Variants in ZC3H14 observed in about 807,000 individuals in gnomAD.
The protein encoded by ZC3H14 is zinc finger CCCH-type containing 14, also known as zinc finger CCCH domain-containing protein 14.
In ZC3H14, 31 loss-of-function variants were observed where a neutral mutation model predicts 92.4. The ratio of observed to expected loss-of-function variants is 0.34; its 90% CI spans 0.25 to 0.45. ZC3H14 has a LOEUF of 0.45. Ranked by LOEUF, ZC3H14 falls within the 20% of genes least tolerant of loss-of-function variation. ZC3H14 has a pLI of 1.00. For synonymous variants in ZC3H14, 321 were observed against 300.9 expected (o/e 1.07, Z -0.69); for missense variants, 781 against 897.3 (o/e 0.87, Z 1.66).
chr14:88,566,028 GCCCCCCC>G (rs1161358992), intron 2 of ZC3H14, among the ~76,000 whole-genome samples: 1 of 2,708 alleles, frequency 3.7e-4, no homozygotes, highest in Admixed American at 5.8e-3. Context: ...CCACCACCCC[GCCCCCCC>G]CCCCCGGCTA....
chr14:88,573,390 GAAAA>G (rs759822644), intron 6 of ZC3H14, among the ~76,000 whole-genome samples: 85 of 151,300 alleles, frequency 5.6e-4, no homozygotes, highest in Non-Finnish European at 1.0e-3. Flanking sequence ...AACCAAAAAA[GAAAA>G]AACAAAAAAC....
In ZC3H14 at chr14:88,622,525, G is replaced by T; in HGVS notation, c.*10774G>T. 1.8e-6 allele frequency: 2 copies of T among 1,123,610 alleles called. No individual in the cohort carries two copies. The highest frequency in any genetic ancestry group is 1.2e-6 in the Non-Finnish European group (1 of 803,232). The allele number at this position is 1,123,610 out of a possible 1,614,324, so 69.6% of individuals were successfully genotyped here. The stretch of plus-strand genomic sequence containing the variant: ...TGCATTATTAAGTATTGTTCATTAG[G>T]CTGCAAAGGGTGAGGGAATCACAGT... On this transcript the variant is annotated 3_prime_UTR_variant, in exon 17 of 17. Coordinates refer to ENST00000251038, the MANE Select transcript of ZC3H14 (RefSeq NM_024824.5).
At position 88,621,190 on chromosome 14, in the gene ZC3H14, C is replaced by T; in HGVS notation, c.*9439C>T. 1 of 1,613,932 alleles carries T rather than the reference C, an allele frequency of 6.2e-7. No homozygotes were observed. The highest frequency in any genetic ancestry group is 8.5e-7 in the Non-Finnish European group (1 of 1,179,866). On this transcript the variant is annotated 3_prime_UTR_variant, in exon 17 of 17. Coordinates refer to ENST00000251038, the MANE Select transcript of ZC3H14 (RefSeq NM_024824.5). The stretch of plus-strand genomic sequence containing the variant: ...AAAAAATCCCTGGAAGGATGTGTTG[C>T]TAGTCCCCAGATTGGCCCATCCACA...
At chr14:88,608,492 C>T in intron 13 of ZC3H14, 1 of 287,624 alleles carries the variant, frequency 3.5e-6, no homozygotes, top group South Asian at 3.1e-5. Context: ...ATGGCCCTCT[C>T]CAGAGTAGCG....
At chr14:88,588,940 TCTTA>T (rs1237815194) in intron 9 of ZC3H14, among the ~76,000 whole-genome samples, 1 of 152,238 alleles carries the variant, frequency 6.6e-6, no homozygotes, top group Non-Finnish European at 1.5e-5. Context: ...TTTCATAGTA[TCTTA>T]CTTTGTGGAT....
rs747616395 is a variant in ZC3H14, at chr14:88,618,374, A to G, written c.*6623A>G. 3 of 1,555,372 alleles carry G rather than the reference A, an allele frequency of 1.9e-6. No individual in the cohort carries two copies. Among genetic ancestry groups the G allele is most frequent in the Non-Finnish European group, 2.7e-6 (3 of 1,130,106 alleles). ...AATGGGACAAGAATTCCATTAGGTGAGAGACAAAATCCACAGGGGGTTTAC... is the reference window on the plus strand; with the variant it reads ...AATGGGACAAGAATTCCATTAGGTGGGAGACAAAATCCACAGGGGGTTTAC... On this transcript the variant is annotated 3_prime_UTR_variant, in exon 17 of 17. Coordinates refer to ENST00000251038, the MANE Select transcript of ZC3H14 (RefSeq NM_024824.5).
At chr14:88,583,950 A>G (rs971720981) in intron 9 of ZC3H14, among the ~76,000 whole-genome samples, 20 of 152,294 alleles carry the variant, frequency 1.3e-4, no homozygotes, top group African/African-American at 4.8e-4. Context: ...TCTTGTACTT[A>G]TATCAAGTTT....
chr14:88,602,891 C>CA lies in ZC3H14; in HGVS notation c.1579dup (p.Ser527LysfsTer16). On this transcript the variant is annotated frameshift_variant, in exon 12 of 17. Transcript: ENST00000251038. LOFTEE classifies it high-confidence loss of function. The stretch of plus-strand genomic sequence containing the variant: ...TTATAGTGACGCTGGATGGTGTCCC[C>CA]AGCCCCCCAGGATACATGTCAGATC... 1 of 1,614,118 alleles carries CA rather than the reference C, an allele frequency of 6.2e-7. No homozygotes were observed. Among genetic ancestry groups the CA allele is most frequent in the Non-Finnish European group, 8.5e-7 (1 of 1,180,010 alleles).
At chr14:88,586,998 A>G (rs1283745567) in intron 9 of ZC3H14, among the ~76,000 whole-genome samples, 1 of 152,040 alleles carries the variant, frequency 6.6e-6, no homozygotes, top group African/African-American at 2.4e-5. Context: ...GCTGTATGTC[A>G]GGTTCTAGCC....
In ZC3H14 at chr14:88,624,818, GA is replaced by G; in HGVS notation, c.*13069del. 1.2e-6 allele frequency: 1 copy of G among 834,126 alleles called. No individual in the cohort carries two copies. Among genetic ancestry groups the G allele is most frequent in the Non-Finnish European group, 1.8e-6 (1 of 552,500 alleles). The allele number at this position is 834,126 out of a possible 1,614,324, so 51.7% of individuals were successfully genotyped here. A position where few individuals can be genotyped will look rare whatever the true frequency, so the allele number is the denominator to read the frequency against. On this transcript the variant is annotated 3_prime_UTR_variant, in exon 17 of 17. Coordinates refer to ENST00000251038, the MANE Select transcript of ZC3H14 (RefSeq NM_024824.5). ...TAAGACCAGAAATGAGAATCAAATA[GA>G]AGGCACATAAAAGGTAATAAAGGAG...
chr14:88,609,925 T>C (rs2086271744), intron 15 of ZC3H14, 122 bp downstream of exon 15: 8 of 1,056,798 alleles, frequency 7.6e-6, no homozygotes, highest in Non-Finnish European at 9.9e-6. Flanking sequence ...CCAGTAAAAC[T>C]ATTAAGTTGT....
chr14:88,590,527 A>T (rs1211704397), intron 9 of ZC3H14: 1 of 152,214 alleles, frequency 6.6e-6, no homozygotes, highest in East Asian at 1.9e-4. Flanking sequence ...TCCATGTGTC[A>T]TCTTTGAGGC....
chr14:88,564,865 C>A (rs2079365301), intron 2 of ZC3H14, among the ~76,000 whole-genome samples: 1 of 152,166 alleles, frequency 6.6e-6, no homozygotes, highest in South Asian at 2.1e-4. Context: ...TGAGGAAAAT[C>A]ATTTTAGTTG....
intron 14 of ZC3H14, 88 bp from the exon 15 acceptor site, chr14:88,609,624 T>G: frequency 6.6e-7 from 1 of 1,519,208 alleles, no homozygotes; most frequent in East Asian, 2.3e-5. Context: ...AAAAATGGTT[T>G]TCACTTTCAA....
chr14:88,609,582 T>C, intron 14 of ZC3H14, 130 bp from the exon 15 acceptor site: 2 of 1,351,782 alleles, frequency 1.5e-6, no homozygotes, highest in African/African-American at 2.9e-5. Context: ...GTATTTTGAC[T>C]AGTGAATATA....
chr14:88,585,649 C>T (rs2082383210), intron 9 of ZC3H14, among the ~76,000 whole-genome samples: 1 of 152,136 alleles, frequency 6.6e-6, no homozygotes, highest in Non-Finnish European at 1.5e-5. Flanking sequence ...TTCAGCCTCC[C>T]AAAGTGTTGG....
At chr14:88,566,822 A>C (rs953138599) in intron 2 of ZC3H14, among the ~76,000 whole-genome samples, 11 of 151,852 alleles carry the variant, frequency 7.2e-5, no homozygotes, top group African/African-American at 2.4e-4. Flanking sequence ...CGGGAGGCTG[A>C]GGCAGGAGAA....
intron 9 of ZC3H14, chr14:88,594,972 A>G: frequency 1.2e-6 from 2 of 1,613,986 alleles, no homozygotes; most frequent in Non-Finnish European, 1.7e-6. Flanking sequence ...CAAAAATTTC[A>G]TCTTTGGAGG....
At chr14:88,599,039 G>A (rs1170681800) in intron 10 of ZC3H14, among the ~76,000 whole-genome samples, 2 of 152,250 alleles carry the variant, frequency 1.3e-5, no homozygotes, top group African/African-American at 4.8e-5. Context: ...AGTGAGCTGA[G>A]CTCGCACCAC....
Sources: gnomAD v4.1 joint callset for allele counts (sites outside exome capture counted in the v4.1 genomes callset) on GRCh38, gnomAD v4.1.1 for gene constraint, MANE v1.5 for transcripts, NCBI Gene and HGNC (gene_info 2026-07-23, HGNC 2026-07-21) for gene names.